GAREM1: variants seen among roughly 807,000 people sequenced by gnomAD.
GAREM1 encodes GRB2 associated regulator of MAPK1 subtype 1, also known as GRB2-associated and regulator of MAPK protein 1.
GAREM1 carries 26 observed loss-of-function variants against 71.3 expected under a neutral mutation model. The ratio of observed to expected loss-of-function variants is 0.36; its 90% CI spans 0.27 to 0.51. The LOEUF (loss-of-function observed/expected upper bound fraction) is 0.51, where lower values mean the gene tolerates loss of function less well. Among genes scored for constraint, GAREM1 ranks in the 20% least tolerant of loss-of-function variants. The pLI, the probability that GAREM1 is intolerant of heterozygous loss-of-function variation, is 0.95. For synonymous variants in GAREM1, 440 were observed against 433.2 expected, an observed-to-expected ratio of 1.02 and a Z score of -0.20; for missense variants, 1,026 against 1,103.1, an observed-to-expected ratio of 0.93 and a Z score of 0.99.
chr18:32,375,462 A>G (rs1026960756), intron 2 of GAREM1, among the ~76,000 whole-genome samples: 33 of 151,892 alleles, frequency 2.2e-4, no homozygotes, highest in African/African-American at 7.0e-4. Context: ...CATTCAGACC[A>G]ATTAAACTGA....
intron 1 of GAREM1, among the ~76,000 whole-genome samples, chr18:32,434,500 G>A (rs1336919162): frequency 6.6e-6 from 1 of 151,882 alleles, no homozygotes; most frequent in Non-Finnish European, 1.5e-5. Flanking sequence ...AAAAAAGATG[G>A]GGGCACACTG....
At chr18:32,424,451 G>T (rs868357903) in intron 1 of GAREM1, among the ~76,000 whole-genome samples, 4 of 152,118 alleles carry the variant, frequency 2.6e-5, no homozygotes, top group African/African-American at 9.7e-5. Context: ...TAAGATAAAA[G>T]TCAAAGGCAA....
intron 2 of GAREM1, among the ~76,000 whole-genome samples, chr18:32,351,771 A>G (rs16963218): frequency 0.1 from 15,209 of 151,896 alleles, 1,428 homozygotes; most frequent in African/African-American, 0.25. Context: ...CATCTTTTAC[A>G]CAGCATGACT....
At chr18:32,346,114 G>T (rs1413901468) in intron 2 of GAREM1, among the ~76,000 whole-genome samples, 1 of 151,812 alleles carries the variant, frequency 6.6e-6, no homozygotes, top group Non-Finnish European at 1.5e-5. Flanking sequence ...CTCCTTTGTG[G>T]TCTGTTTTTA....
At chr18:32,329,703 T>TA (rs756082703) in intron 2 of GAREM1, among the ~76,000 whole-genome samples, 7,873 of 77,990 alleles carry the variant, frequency 0.1, 439 homozygotes, top group Non-Finnish European at 0.14. Context: ...GAGACTCCAT[T>TA]AAAAAAAAAA....
chr18:32,287,195 G>A lies in GAREM1; in HGVS notation c.1402C>T (p.Leu468Phe). The change falls in exon 4 of 6, where the codon CTC (leucine) becomes TTC (phenylalanine). Residue 468 changes from leucine (L) to phenylalanine (F), a missense_variant. Physicochemically the swap from Leu to Phe is conservative, Grantham distance 22. Transcript: ENST00000269209. This position sits in a 1 kb window ranked among gnomAD's most constrained non-coding sequence, Gnocchi z 5.9. ...LEEGKPSHQP[L>F]TRSLSEKNRC... ...TTCTTCTCGCTCAGAGAGCGAGTGA[G>A]AGGCTGATGGCTGGGCTTGCCTTCC... is the stretch of plus-strand genomic sequence containing the variant. The A allele has an allele frequency of 1.2e-6, 2 of 1,614,256 alleles. No homozygotes were observed. The highest frequency in any genetic ancestry group is 1.7e-6 in the Non-Finnish European group (2 of 1,180,042).
intron 3 of GAREM1, among the ~76,000 whole-genome samples, chr18:32,306,574 G>A (rs2047258108): frequency 6.6e-6 from 1 of 152,032 alleles, no homozygotes; most frequent in African/African-American, 2.4e-5. Context: ...ACTCCTGGTT[G>A]AGAATCACTG....
At chr18:32,442,242 C>T (rs940655940) in intron 1 of GAREM1, among the ~76,000 whole-genome samples, 7 of 152,048 alleles carry the variant, frequency 4.6e-5, no homozygotes, top group African/African-American at 1.7e-4. Context: ...ATTTTTACAA[C>T]CATAAAATGT....
chr18:32,443,371 A>T lies in GAREM1; in HGVS notation c.121+26937T>A, dbSNP rs779138523. The stretch of plus-strand genomic sequence containing the variant: ...AAAGATAACCCATATAGTAGAAGAA[A>T]GTATTTACAAAACATTTATCTGATA... On this transcript the variant is annotated intron_variant, in intron 1 of 5. Transcript: ENST00000269209. Among the ~76,000 whole-genome samples, 276 of 152,314 alleles carry T rather than the reference A, an allele frequency of 1.8e-3. 1 individual carries two copies. The highest frequency in any genetic ancestry group is 2.8e-3 in the Non-Finnish European group (189 of 68,014).
At chr18:32,347,508 T>C (rs531610908) in intron 2 of GAREM1, among the ~76,000 whole-genome samples, 7 of 152,094 alleles carry the variant, frequency 4.6e-5, no homozygotes, top group Non-Finnish European at 1.0e-4. Flanking sequence ...GAGTTCATAT[T>C]GGAAAATAAG....
chr18:32,423,607 A>C (rs2048542727), intron 1 of GAREM1, among the ~76,000 whole-genome samples: 1 of 152,176 alleles, frequency 6.6e-6, no homozygotes, highest in Non-Finnish European at 1.5e-5. Flanking sequence ...AATCATCACA[A>C]GTATATTACC....
intron 4 of GAREM1, among the ~76,000 whole-genome samples, chr18:32,278,603 C>T (rs1053921284): frequency 4.6e-5 from 7 of 152,166 alleles, no homozygotes; most frequent in Non-Finnish European, 1.0e-4. Flanking sequence ...TGTAACTTTG[C>T]CTTCACTGAC....
intron 1 of GAREM1, among the ~76,000 whole-genome samples, chr18:32,433,125 G>A (rs757743847): frequency 6.6e-6 from 1 of 151,156 alleles, no homozygotes; most frequent in Admixed American, 6.6e-5. Context: ...ATTGAAAATC[G>A]GTTAATTTAA....
intron 1 of GAREM1, chr18:32,412,296 T>C (rs567596964): frequency 6.1e-4 from 964 of 1,590,616 alleles, no homozygotes; most frequent in Non-Finnish European, 7.6e-4. Context: ...TGCAAAGTAC[T>C]GGCCTCCACC....
At chr18:32,355,877 C>T (rs1037969890) in intron 2 of GAREM1, among the ~76,000 whole-genome samples, 1 of 152,146 alleles carries the variant, frequency 6.6e-6, no homozygotes, top group East Asian at 1.9e-4. Context: ...AGGAAAATTC[C>T]ATATACAGTT....
At chr18:32,464,099 T>A (rs1243072198) in intron 1 of GAREM1, among the ~76,000 whole-genome samples, 3 of 151,176 alleles carry the variant, frequency 2.0e-5, no homozygotes, top group Non-Finnish European at 1.5e-5. Flanking sequence ...AAGACCAACC[T>A]GGCCAATATG....
chr18:32,306,637 T>G (rs2047258572), intron 3 of GAREM1, among the ~76,000 whole-genome samples: 1 of 152,180 alleles, frequency 6.6e-6, no homozygotes, highest in Non-Finnish European at 1.5e-5. Flanking sequence ...CAGAAGATGA[T>G]GAGCCCCAAC....
rs144031952 is a variant in GAREM1, at chr18:32,424,767, A to G, written c.122-31732T>C. Among the ~76,000 whole-genome samples the G allele has an allele frequency of 1.3e-3, 202 of 152,336 alleles. 1 individual carries two copies. Among genetic ancestry groups the G allele is most frequent in the African/African-American group, 4.6e-3 (191 of 41,582 alleles). ...ATATATATAAATAGAACTTGTAAAC[A>G]TCAGATGTTTTACTCACTTTCCTTT... is the stretch of plus-strand genomic sequence containing the variant. On this transcript the variant is annotated intron_variant, in intron 1 of 5. Transcript: ENST00000269209.
chr18:32,364,010 ATATATATATATATATATG>A lies in GAREM1; in HGVS notation c.262+28867_262+28884del, dbSNP rs1287927349. ...TACATATATACATATATATATATAT[ATATATATATATATATATG>A]TTTTTTTTTTTTTTTTTTTTTTGTG... On this transcript the variant is annotated intron_variant, in intron 2 of 5. Coordinates refer to ENST00000269209, the MANE Select transcript of GAREM1 (RefSeq NM_001242409.2). Among the ~76,000 whole-genome samples, 43 of 47,962 alleles carry A rather than the reference ATATATATATATATATATG, an allele frequency of 9.0e-4. 1 individual carries two copies. Among genetic ancestry groups the A allele is most frequent in the African/African-American group, 3.2e-3 (28 of 8,692 alleles). 31.5% of individuals were successfully genotyped at this position (47,962 alleles called of 152,430 possible). A position where few individuals can be genotyped will look rare whatever the true frequency, so the allele number is the denominator to read the frequency against.
Sources: gnomAD v4.1 joint callset for allele counts (sites outside exome capture counted in the v4.1 genomes callset) on GRCh38, gnomAD v4.1.1 for gene constraint, Gnocchi (gnomAD v3.1) non-coding constraint, MANE v1.5 for transcripts, NCBI Gene and HGNC (gene_info 2026-07-23, HGNC 2026-07-21) for gene names.